NUCKS1: variants seen among roughly 807,000 people sequenced by gnomAD.
NUCKS1 encodes nuclear ubiquitous casein and cyclin-dependent kinase substrate 1.
In NUCKS1, 2 loss-of-function variants were observed where a neutral mutation model predicts 33.0. That is an observed-to-expected ratio of 0.06 (90% CI 0.02 to 0.19). The LOEUF is 0.19. Among genes scored for constraint, NUCKS1 ranks in the 10% least tolerant of loss-of-function variants. The pLI, the probability that NUCKS1 is intolerant of heterozygous loss-of-function variation, is 1.00. For synonymous variants in NUCKS1, 106 were observed against 102.8 expected (o/e 1.03, Z -0.19); for missense variants, 201 against 293.6 (o/e 0.68, Z 2.31).
intron 1 of NUCKS1, among the ~76,000 whole-genome samples, chr1:205,746,065 G>A (rs780503770): frequency 7.2e-5 from 11 of 152,202 alleles, no homozygotes; most frequent in Non-Finnish European, 1.3e-4. Context: ...GGAGGCTGAA[G>A]TGGGTGGATC....
intron 1 of NUCKS1, 31 bp downstream of exon 1, chr1:205,749,926 A>G (rs759564148): frequency 8.3e-6 from 13 of 1,568,352 alleles, no homozygotes; most frequent in East Asian, 7.3e-5. Context: ...TCCCCCTCCA[A>G]CCCGCTCCAG....
At position 205,738,409 on chromosome 1, in the gene NUCKS1, G is replaced by A. The variant is rs1023968722; in HGVS notation, c.18-8788C>T. ...TCACTGTAGCCTCCAGAGTACCCAG[G>A]ACTAGAGGTGGACACTACCATGCCC... On this transcript the variant is annotated intron_variant, in intron 1 of 6. Transcript: ENST00000367142. 2.0e-5 allele frequency among the ~76,000 whole-genome samples: 3 copies of A among 151,590 alleles called. No homozygotes were observed. The South Asian group carries it at 6.2e-4, about 32-fold the overall frequency.
chr1:205,738,070 G>C (rs1316970708), intron 1 of NUCKS1, among the ~76,000 whole-genome samples: 1 of 152,130 alleles, frequency 6.6e-6, no homozygotes, highest in Non-Finnish European at 1.5e-5. Flanking sequence ...TTGTTTCCCA[G>C]GCTGGAGTGC....
chr1:205,744,649 T>TTTTTTTTTTTTTA (rs1654269958), intron 1 of NUCKS1, among the ~76,000 whole-genome samples: 1 of 148,320 alleles, frequency 6.7e-6, no homozygotes, highest in Non-Finnish European at 1.5e-5. Flanking sequence ...TTTTTTTTTT[T>TTTTTTTTTTTTTA]GAGACGGAGT....
chr1:205,728,914 T>TTTTTTCCC (rs1653841169), intron 2 of NUCKS1, among the ~76,000 whole-genome samples: 1 of 152,196 alleles, frequency 6.6e-6, no homozygotes, highest in African/African-American at 2.4e-5. Context: ...GCAGGAGATT[T>TTTTTTCCC]TTTTTCCCCT....
At chr1:205,744,055 A>G (rs1001727925) in intron 1 of NUCKS1, among the ~76,000 whole-genome samples, 2 of 152,178 alleles carry the variant, frequency 1.3e-5, no homozygotes, top group African/African-American at 2.4e-5. Flanking sequence ...TCCTCCTGTC[A>G]GGTGTATCTC....
At chr1:205,721,010 C>A (rs1285595332) in intron 4 of NUCKS1, among the ~76,000 whole-genome samples, 1 of 148,632 alleles carries the variant, frequency 6.7e-6, no homozygotes, top group Non-Finnish European at 1.5e-5. Context: ...AATGCAGGCA[C>A]AAAAGACCAA....
At chr1:205,734,854 C>T (rs748842254) in intron 1 of NUCKS1, among the ~76,000 whole-genome samples, 2 of 151,994 alleles carry the variant, frequency 1.3e-5, no homozygotes, top group Non-Finnish European at 2.9e-5. Flanking sequence ...AAGATTGTGC[C>T]ACTGCACTCC....
intron 4 of NUCKS1, among the ~76,000 whole-genome samples, chr1:205,721,821 C>T (rs764016123): frequency 3.3e-5 from 5 of 151,802 alleles, no homozygotes; most frequent in Non-Finnish European, 4.4e-5. Flanking sequence ...ATTACAGGTG[C>T]GCACCACCAC....
chr1:205,737,152 A>C (rs1006153535), intron 1 of NUCKS1, among the ~76,000 whole-genome samples: 3 of 152,202 alleles, frequency 2.0e-5, no homozygotes, highest in Non-Finnish European at 4.4e-5. Context: ...GATTATAAAA[A>C]GATGGGGAAT....
At chr1:205,739,483 CTTT>C (rs1009744086) in intron 1 of NUCKS1, among the ~76,000 whole-genome samples, 94 of 150,656 alleles carry the variant, frequency 6.2e-4, no homozygotes, top group African/African-American at 2.2e-3. Context: ...TTTTTTTTTT[CTTT>C]TTTTGAGACG....
chr1:205,720,475 A>G (rs916540986), intron 5 of NUCKS1, 26 bp downstream of exon 5: 6 of 1,598,888 alleles, frequency 3.8e-6, no homozygotes, highest in Non-Finnish European at 5.1e-6. Context: ...CCAAACAACC[A>G]AAGTACACAA....
In NUCKS1 at chr1:205,718,140, A is replaced by G; in HGVS notation, c.*140T>C. On this transcript the variant is annotated 3_prime_UTR_variant, in exon 7 of 7. Coordinates refer to ENST00000367142, the MANE Select transcript of NUCKS1 (RefSeq NM_022731.5). ...GAGAAATGTTACTTTCAACAAATGG[A>G]AAAAAGCACTGAAAGCCCATGAGTC... 1 of 1,307,404 alleles carries G rather than the reference A, an allele frequency of 7.6e-7. No homozygotes were observed. The allele number at this position is 1,307,404 out of a possible 1,614,324, so 81.0% of individuals were successfully genotyped here.
chr1:205,737,857 G>T (rs984263022), intron 1 of NUCKS1, among the ~76,000 whole-genome samples: 3 of 152,092 alleles, frequency 2.0e-5, no homozygotes, highest in Non-Finnish European at 2.9e-5. Flanking sequence ...TCCAACCTGT[G>T]TTGTCAAAAT....
chr1:205,746,722 G>A (rs547255135), intron 1 of NUCKS1, among the ~76,000 whole-genome samples: 57 of 152,298 alleles, frequency 3.7e-4, no homozygotes, highest in African/African-American at 1.3e-3. Flanking sequence ...TGGGAAAGCC[G>A]TTAATTCTCA....
intron 1 of NUCKS1, among the ~76,000 whole-genome samples, chr1:205,738,440 ATTTT>A (rs34617208): frequency 7.1e-6 from 1 of 140,768 alleles, no homozygotes; most frequent in Non-Finnish European, 1.5e-5. Flanking sequence ...TGCCCAGCTA[ATTTT>A]TTTTTTTTTT....
Position 205,718,204 on chromosome 1 carries a change from CT to C in NUCKS1, c.*75del, listed in dbSNP as rs987979507. On this transcript the variant is annotated 3_prime_UTR_variant, in exon 7 of 7. Coordinates refer to ENST00000367142, the MANE Select transcript of NUCKS1 (RefSeq NM_022731.5). ...AACCATGTTCTATCTTAAGTAGGTT[CT>C]TTTTTTTCCTCCCTCTTTTTTCTTT... 1.1e-5 allele frequency: 17 copies of C among 1,487,026 alleles called. No individual in the cohort carries two copies. The highest frequency in any genetic ancestry group is 2.5e-5 in the Admixed American group (1 of 40,610). 92.1% of individuals were successfully genotyped at this position (1,487,026 alleles called of 1,614,324 possible).
At chr1:205,718,772 C>A (rs891073885) in intron 6 of NUCKS1, among the ~76,000 whole-genome samples, 6 of 152,152 alleles carry the variant, frequency 3.9e-5, no homozygotes, top group African/African-American at 1.2e-4. Flanking sequence ...ATAGAATATG[C>A]ACAACATCCT....
intron 3 of NUCKS1, among the ~76,000 whole-genome samples, chr1:205,725,985 G>C (rs1653764980): frequency 6.6e-6 from 1 of 152,122 alleles, no homozygotes; most frequent in African/African-American, 2.4e-5. Context: ...CTGATCACGA[G>C]GTCAGGAGTT....
Sources: allele counts gnomAD v4.1 joint callset (sites outside exome capture counted in the v4.1 genomes callset), GRCh38; gene constraint gnomAD v4.1.1; transcripts MANE v1.5; gene names NCBI Gene and HGNC (gene_info 2026-07-23, HGNC 2026-07-21).